KIAA1549L: variants seen among roughly 807,000 people sequenced by gnomAD.
The protein encoded by KIAA1549L is UPF0606 protein KIAA1549L.
In KIAA1549L, 88 loss-of-function variants were observed where a neutral mutation model predicts 160.7. The ratio of observed to expected loss-of-function variants is 0.55; its 90% CI spans 0.46 to 0.65. The LOEUF is 0.65. KIAA1549L is among the 30% of genes least tolerant of loss of function. The probability of loss-of-function intolerance (pLI) is 0.00; values close to 1 mark genes in which losing one functional copy is unlikely to be tolerated. For missense variants in KIAA1549L, 2,258 were observed against 2,437.5 expected (o/e 0.93, Z 1.55); for synonymous variants, 950 against 976.7 (o/e 0.97, Z 0.51).
At chr11:33,422,031 C>T (rs1418671039) in intron 1 of KIAA1549L, among the ~76,000 whole-genome samples, 1 of 152,140 alleles carries the variant, frequency 6.6e-6, no homozygotes, top group African/African-American at 2.4e-5. Context: ...CTCATCATGG[C>T]AATTGCATGA....
chr11:33,435,780 A>ATGTGTG lies in KIAA1549L; in HGVS notation c.238+58892_238+58893insGTGTGT, dbSNP rs1307533670. On this transcript the variant is annotated intron_variant, in intron 1 of 20. Transcript: ENST00000658780. Reference sequence around the variant, plus strand: ...ATAAGATATATATATATATATATATATATATATATATATATATATATATAT... The same window carrying ATGTGTG: ...ATAAGATATATATATATATATATATATGTGTGTATATATATATATATATATATATAT... Among the ~76,000 whole-genome samples the ATGTGTG allele has an allele frequency of 4.9e-4, 9 of 18,322 alleles. 1 individual carries two copies. Among genetic ancestry groups the ATGTGTG allele is most frequent in the African/African-American group, 2.4e-3 (6 of 2,524 alleles). 12.0% of individuals were successfully genotyped at this position (18,322 alleles called of 152,430 possible).
chr11:33,493,451 G>A (rs760163361), intron 1 of KIAA1549L, among the ~76,000 whole-genome samples: 11 of 152,172 alleles, frequency 7.2e-5, no homozygotes, highest in Non-Finnish European at 1.6e-4. Flanking sequence ...GACTGAGACA[G>A]ATGATGAGCT....
At chr11:33,382,226 C>T (rs755106850) in intron 1 of KIAA1549L, among the ~76,000 whole-genome samples, 2 of 151,934 alleles carry the variant, frequency 1.3e-5, no homozygotes, top group Non-Finnish European at 2.9e-5. Context: ...GAGAAGAAAA[C>T]AATGAGGCAG....
rs752734493 is a variant in KIAA1549L at position 33,598,950 on chromosome 11, G to A, written c.4879+3G>A. ...GGAGGAGGCAAGGAAGAGAAATGGTGAGAAGCCTTCCCTCCAAGAACCACC... is the reference window on the plus strand; with the variant it reads ...GGAGGAGGCAAGGAAGAGAAATGGTAAGAAGCCTTCCCTCCAAGAACCACC... On this transcript the variant is annotated splice_donor_region_variant and intron_variant, in intron 13 of 20. Transcript: ENST00000658780. 6.2e-7 allele frequency: 1 copy of A among 1,612,860 alleles called. No individual in the cohort carries two copies. Among genetic ancestry groups the A allele is most frequent in the East Asian group, 2.2e-5 (1 of 44,832 alleles).
chr11:33,533,734 C>T (rs188384974), intron 1 of KIAA1549L, among the ~76,000 whole-genome samples: 77 of 152,284 alleles, frequency 5.1e-4, no homozygotes, highest in Non-Finnish European at 9.8e-4. Flanking sequence ...TGTATGACTA[C>T]CCATTCTTGT....
intron 11 of KIAA1549L, among the ~76,000 whole-genome samples, chr11:33,583,742 GC>G (rs2133269428): frequency 6.6e-6 from 1 of 152,296 alleles, no homozygotes; most frequent in East Asian, 1.9e-4. Flanking sequence ...TCTCACAGCT[GC>G]CCTTGGAGGA....
rs767994861 is a variant in KIAA1549L, at chr11:33,544,161, T to A, written c.2598T>A (p.Asp866Glu). 5.0e-6 allele frequency: 8 copies of A among 1,613,930 alleles called. No individual in the cohort carries two copies. The highest frequency in any genetic ancestry group is 3.4e-6 in the Non-Finnish European group (4 of 1,179,914). The change falls in exon 2 of 21, where the codon GAT (aspartate) becomes GAA (glutamate). Residue 866 changes from aspartate (D) to glutamate (E), a missense_variant. This residue lies in a region of KIAA1549L where 287 missense variants were observed against 292.3 expected (regional missense o/e 0.98). Coordinates refer to ENST00000658780, the MANE Select transcript of KIAA1549L (RefSeq NM_012194.3). The part of the protein sequence containing the change: ...SLQEMLSDGT[D>E]TGSEISSDIN... ...AGGAAATGCTTTCAGATGGAACAGA[T>A]ACAGGTTCTGAAATTTCCAGTGACA...
intron 20 of KIAA1549L, among the ~76,000 whole-genome samples, chr11:33,661,659 C>T (rs529662811): frequency 1.3e-5 from 2 of 152,250 alleles, no homozygotes; most frequent in Admixed American, 1.3e-4. Context: ...GCGGGCAGGT[C>T]ACCTGACATC....
chr11:33,600,867 G>T (rs1850340348), intron 13 of KIAA1549L, among the ~76,000 whole-genome samples: 2 of 152,120 alleles, frequency 1.3e-5, no homozygotes, highest in Non-Finnish European at 2.9e-5. Flanking sequence ...TTTGCAAAGT[G>T]ATGTCTTTTC....
intron 1 of KIAA1549L, among the ~76,000 whole-genome samples, chr11:33,401,548 G>T (rs1370505181): frequency 6.6e-6 from 1 of 151,376 alleles, no homozygotes; most frequent in African/African-American, 2.4e-5. Flanking sequence ...AAATGTGGGT[G>T]TGCTGTCAGG....
At chr11:33,479,660 G>C (rs955980226) in intron 1 of KIAA1549L, among the ~76,000 whole-genome samples, 1 of 152,206 alleles carries the variant, frequency 6.6e-6, no homozygotes, top group Non-Finnish European at 1.5e-5. Flanking sequence ...AAGAGACAGA[G>C]CTTGTGATTC....
rs1382488972 is a variant in KIAA1549L, at chr11:33,542,140, G to A, written c.577G>A (p.Val193Met). ...TAAAGGGGGACAAGAAGCAGCCGAT[G>A]TGTCAGGTTTGCCTCTCACCAGCAT... ...GPKGGQEAAD[V>M]SGLPLTSMLP... The change falls in exon 2 of 21, where the codon GTG becomes ATG. Residue 193 changes from valine to methionine, a missense_variant. Val to Met is a conservative substitution (Grantham distance 21, BLOSUM62 1). Around this residue, in one of 6 missense-constraint regions of KIAA1549L, gnomAD observed 540 missense variants for 465.7 expected, o/e 1.16. Coordinates refer to ENST00000658780, the MANE Select transcript of KIAA1549L (RefSeq NM_012194.3). 5 of 562,610 alleles carry A rather than the reference G, an allele frequency of 8.9e-6. No individual in the cohort carries two copies. Among genetic ancestry groups the A allele is most frequent in the Non-Finnish European group, 1.7e-5 (5 of 295,360 alleles). The allele number at this position is 562,610 out of a possible 1,614,324, so 34.9% of individuals were successfully genotyped here.
rs776371013 is a variant in KIAA1549L, at chr11:33,561,767, A to G, written c.4078+32A>G. On this transcript the variant is annotated intron_variant, in intron 8 of 20. Coordinates refer to ENST00000658780, the MANE Select transcript of KIAA1549L (RefSeq NM_012194.3). The stretch of plus-strand genomic sequence containing the variant: ...TCTTATTTTGTAATTTCCCCTCTTC[A>G]TGCTGTCAGATTGATTTATTTTTTT... 2.0e-5 allele frequency: 28 copies of G among 1,423,144 alleles called. No homozygotes were observed. The East Asian group carries it at 5.9e-4, about 30-fold the overall frequency. 88.2% of individuals were successfully genotyped at this position (1,423,144 alleles called of 1,614,324 possible).
rs530191392 is a variant in KIAA1549L, at chr11:33,508,037, C to T, written c.239-33765C>T. On this transcript the variant is annotated intron_variant, in intron 1 of 20. Transcript: ENST00000658780. The stretch of plus-strand genomic sequence containing the variant: ...CCTCTGCATAATCATGAGGCTGATG[C>T]CCAAGAATAGTGCTGCTGTAGCCAG... 1.2e-4 allele frequency among the ~76,000 whole-genome samples: 18 copies of T among 152,252 alleles called. No homozygotes were observed. The East Asian group carries it at 1.3e-3, about 11-fold the overall frequency.
chr11:33,406,188 C>A (rs1395479068), intron 1 of KIAA1549L, among the ~76,000 whole-genome samples: 1 of 152,172 alleles, frequency 6.6e-6, no homozygotes, highest in East Asian at 1.9e-4. Context: ...ATAACAAAGG[C>A]ATGTTGCTCC....
intron 1 of KIAA1549L, among the ~76,000 whole-genome samples, chr11:33,512,939 A>G (rs1009869644): frequency 1.3e-5 from 2 of 152,280 alleles, no homozygotes; most frequent in South Asian, 2.1e-4. Context: ...AAAGACAGAA[A>G]AGAAAGTGGA....
chr11:33,474,580 C>T (rs1852245569), intron 1 of KIAA1549L, among the ~76,000 whole-genome samples: 1 of 152,240 alleles, frequency 6.6e-6, no homozygotes, highest in Non-Finnish European at 1.5e-5. Context: ...GGGTTCAACT[C>T]TCTATCCTGG....
At chr11:33,529,552 G>A (rs987987476) in intron 1 of KIAA1549L, among the ~76,000 whole-genome samples, 15 of 152,116 alleles carry the variant, frequency 9.9e-5, no homozygotes, top group African/African-American at 3.6e-4. Context: ...TTAGAAAGGA[G>A]CAAACAGACA....
chr11:33,630,990 G>A (rs907793762), intron 16 of KIAA1549L, among the ~76,000 whole-genome samples: 1 of 152,190 alleles, frequency 6.6e-6, no homozygotes, highest in Admixed American at 6.5e-5. Flanking sequence ...GAGGAGAGAG[G>A]TGGAGGCACG....
Sources: allele counts gnomAD v4.1 joint callset (sites outside exome capture counted in the v4.1 genomes callset), GRCh38; gene constraint gnomAD v4.1.1; regional missense constraint gnomAD v4.1.1; transcripts MANE v1.5; gene names NCBI Gene and HGNC (gene_info 2026-07-23, HGNC 2026-07-21).